The following TARS3 variants were observed in gnomAD, a reference collection of about 807,000 sequenced individuals.
TARS3 encodes the protein threonine--tRNA ligase 2, cytoplasmic.
In TARS3, 94 loss-of-function variants were observed where a neutral mutation model predicts 103.5. The observed-to-expected ratio is 0.91, with a 90% CI of 0.77 to 1.08. The LOEUF (loss-of-function observed/expected upper bound fraction) is 1.08. Among genes scored for constraint, TARS3 ranks in the 50% least tolerant of loss-of-function variants. The pLI is 0.00. For synonymous variants in TARS3, 416 were observed against 355.4 expected (o/e 1.17, Z -1.92); for missense variants, 952 against 995.2 (o/e 0.96, Z 0.58).
chr15:101,697,515 CTAAT>C (rs1228188046), intron 10 of TARS3, among the ~76,000 whole-genome samples: 1 of 152,128 alleles, frequency 6.6e-6, no homozygotes, highest in Non-Finnish European at 1.5e-5. Flanking sequence ...AAACGTGAAA[CTAAT>C]TAACTTTTTG....
At chr15:101,723,528 T>A (rs759413065) in intron 1 of TARS3, among the ~76,000 whole-genome samples, 3 of 152,224 alleles carry the variant, frequency 2.0e-5, no homozygotes, top group African/African-American at 4.8e-5. Context: ...CATCTCAGCC[T>A]GAGAAGCTTC....
At chr15:101,715,177 C>T (rs530371144) in intron 3 of TARS3, among the ~76,000 whole-genome samples, 2 of 145,900 alleles carry the variant, frequency 1.4e-5, no homozygotes, top group African/African-American at 2.5e-5. Flanking sequence ...GACGGAGTCT[C>T]GCTCTGTCGC....
chr15:101,722,529 G>A (rs1028529132), intron 2 of TARS3, among the ~76,000 whole-genome samples: 14 of 86,190 alleles, frequency 1.6e-4, no homozygotes, highest in Admixed American at 3.6e-4. Context: ...AAAAAAGACC[G>A]GGGGCGGTGG....
intron 15 of TARS3, among the ~76,000 whole-genome samples, chr15:101,670,903 C>T (rs1567327314): frequency 6.6e-6 from 1 of 152,148 alleles, no homozygotes; most frequent in East Asian, 1.9e-4. Flanking sequence ...CTCGATACTG[C>T]ATGGCTCCGT....
At chr15:101,686,171 A>G (rs2141408762) in intron 10 of TARS3, 109 bp from the exon 11 acceptor site, 1 of 972,106 alleles carries the variant, frequency 1.0e-6, no homozygotes, top group Middle Eastern at 3.2e-4. Flanking sequence ...TCCTATATTA[A>G]TTCATGATTA....
chr15:101,714,755 C>T (rs189996513), intron 4 of TARS3, 85 bp downstream of exon 4: 129 of 1,278,536 alleles, frequency 1.0e-4, no homozygotes, highest in Admixed American at 2.9e-4. Context: ...ACTCAACATT[C>T]GTGACTTCAA....
At position 101,684,056 on chromosome 15, in the gene TARS3, ACT is replaced by A. The variant is rs755637634; in HGVS notation, c.1650+17_1650+18del. 6 of 1,606,062 alleles carry A rather than the reference ACT, an allele frequency of 3.7e-6. No individual in the cohort carries two copies. In the African/African-American group the frequency reaches 6.7e-5, roughly 18 times the overall value. On this transcript the variant is annotated intron_variant, in intron 12 of 18. Transcript: ENST00000335968. ...ACTCAATTTGTGACCACACTGCTTC[ACT>A]CTGTGTTATTGTTTACCTGCTCCAC...
intron 12 of TARS3, among the ~76,000 whole-genome samples, chr15:101,680,432 A>G (rs1201386950): frequency 6.6e-6 from 1 of 152,222 alleles, no homozygotes; most frequent in Non-Finnish European, 1.5e-5. Context: ...GTGGCAAAAC[A>G]AAACAAAACA....
chr15:101,708,698 G>A (rs541450273), intron 6 of TARS3, 95 bp downstream of exon 6: 10 of 850,648 alleles, frequency 1.2e-5, no homozygotes, highest in Non-Finnish European at 1.8e-5. Flanking sequence ...ATAATTTGGT[G>A]AGCAACAGGT....
At position 101,654,527 on chromosome 15, in the gene TARS3, TAC is replaced by T. The variant is rs1048111626; in HGVS notation, c.*53_*54del. 17 of 1,583,506 alleles carry T rather than the reference TAC, an allele frequency of 1.1e-5. No individual in the cohort carries two copies. The highest frequency in any genetic ancestry group is 1.4e-5 in the Non-Finnish European group (16 of 1,166,718). The stretch of plus-strand genomic sequence containing the variant: ...AGAAGTACTAACATGTTAAGAAAAA[TAC>T]ATTTTTAAGGGTCAAAACAAAGTTA... On this transcript the variant is annotated 3_prime_UTR_variant, in exon 19 of 19. Coordinates refer to ENST00000335968, the MANE Select transcript of TARS3 (RefSeq NM_152334.3).
intron 15 of TARS3, among the ~76,000 whole-genome samples, chr15:101,666,001 C>T (rs1344851019): frequency 1.3e-5 from 2 of 152,054 alleles, no homozygotes; most frequent in African/African-American, 4.8e-5. Flanking sequence ...CATTGGAAGA[C>T]TTCAGAATTC....
In TARS3 at chr15:101,657,880, G is replaced by A. The variant is rs755290734; in HGVS notation, c.2073-23C>T. The A allele has an allele frequency of 2.4e-5, 35 of 1,444,150 alleles. No homozygotes were observed. In the East Asian group the frequency reaches 2.7e-4, roughly 11 times the overall value. 89.5% of individuals were successfully genotyped at this position (1,444,150 alleles called of 1,614,324 possible). ...GGCCTGAAAAATATATATAAAATATGTATTTTCAAAGTGTAATAATGGCTA... is the reference window on the plus strand; with the variant it reads ...GGCCTGAAAAATATATATAAAATATATATTTTCAAAGTGTAATAATGGCTA... On this transcript the variant is annotated intron_variant, in intron 16 of 18. Coordinates refer to ENST00000335968, the MANE Select transcript of TARS3 (RefSeq NM_152334.3).
At chr15:101,691,942 G>A (rs1381945343) in intron 10 of TARS3, among the ~76,000 whole-genome samples, 2 of 151,828 alleles carry the variant, frequency 1.3e-5, no homozygotes, top group African/African-American at 4.8e-5. Context: ...TCTGCACTCA[G>A]GCGAGAATTA....
chr15:101,700,299 G>A (rs1490840811), intron 10 of TARS3, among the ~76,000 whole-genome samples: 1 of 152,180 alleles, frequency 6.6e-6, no homozygotes, highest in East Asian at 1.9e-4. Flanking sequence ...CTATGAACTT[G>A]TAATACAAGT....
At position 101,685,188 on chromosome 15, in the gene TARS3, T is replaced by C. The variant is rs144362283; in HGVS notation, c.1487+708A>G. On this transcript the variant is annotated intron_variant, in intron 11 of 18. Transcript: ENST00000335968. The stretch of plus-strand genomic sequence containing the variant: ...TTCTAGGTAAATTTACTTGAAACTA[T>C]GTATGTTGATAATACAAAAACTACA... 3.9e-3 allele frequency among the ~76,000 whole-genome samples: 594 copies of C among 152,338 alleles called. 7 individuals are homozygous for C. The highest frequency in any genetic ancestry group is 0.014 in the African/African-American group (570 of 41,584).
At position 101,706,056 on chromosome 15, in the gene TARS3, C is replaced by G. The variant is rs572227175; in HGVS notation, c.931-309G>C. On this transcript the variant is annotated intron_variant, in intron 6 of 18. Coordinates refer to ENST00000335968, the MANE Select transcript of TARS3 (RefSeq NM_152334.3). ...TTGGCTCACTGCAACGTCCGTCTCC[C>G]TGGTTCAAGCGATTCTGCCTCAGCC... Among the ~76,000 whole-genome samples, 9 of 152,304 alleles carry G rather than the reference C, an allele frequency of 5.9e-5. 1 individual carries two copies. The East Asian group carries it at 1.7e-3, about 29-fold the overall frequency.
At chr15:101,680,472 G>A (rs1898215843) in intron 12 of TARS3, among the ~76,000 whole-genome samples, 1 of 152,146 alleles carries the variant, frequency 6.6e-6, no homozygotes, top group South Asian at 2.1e-4. Context: ...CTACCATGTT[G>A]TTTCTTAGGT....
intron 10 of TARS3, among the ~76,000 whole-genome samples, chr15:101,696,738 C>T (rs899915733): frequency 6.6e-6 from 1 of 152,138 alleles, no homozygotes; most frequent in Non-Finnish European, 1.5e-5. Context: ...TAATTATACC[C>T]ACTCTGTCAC....
rs1898154150 is a variant in TARS3 at position 101,679,180 on chromosome 15, A to T, written c.1651-3443T>A. On this transcript the variant is annotated intron_variant, in intron 12 of 18. Transcript: ENST00000335968. ...TTGAATCTGTAGATGTCTTTTGCCA[A>T]ATTTGGCAAGTTGTCAGCTATTATT... 1.3e-5 allele frequency among the ~76,000 whole-genome samples: 2 copies of T among 152,074 alleles called. 1 individual carries two copies. Among genetic ancestry groups the T allele is most frequent in the South Asian group, 4.1e-4 (2 of 4,822 alleles).
Sources: gnomAD v4.1 joint callset for allele counts (sites outside exome capture counted in the v4.1 genomes callset) on GRCh38, gnomAD v4.1.1 for gene constraint, MANE v1.5 for transcripts, NCBI Gene and HGNC (gene_info 2026-07-23, HGNC 2026-07-21) for gene names.